The following ZNF676 variants were observed in gnomAD, a reference collection of about 807,000 sequenced individuals.
ZNF676 encodes the protein zinc finger protein 676.
In ZNF676, 4 loss-of-function variants were observed where a neutral mutation model predicts 6.0. The observed-to-expected ratio is 0.67, with a 90% CI of 0.33 to 1.53. The LOEUF (loss-of-function observed/expected upper bound fraction) is 1.53. Ranked by LOEUF, ZNF676 falls within the 40% of genes most tolerant of loss-of-function variation. The probability of loss-of-function intolerance (pLI) is 0.06; values close to 1 mark genes in which losing one functional copy is unlikely to be tolerated. For missense variants in ZNF676, 644 were observed against 679.7 expected (o/e 0.95, Z 0.58); for synonymous variants, 198 against 223.1 (o/e 0.89, Z 1.00).
intron 2 of ZNF676, among the ~76,000 whole-genome samples, chr19:22,185,384 A>G (rs1396271915): frequency 6.6e-6 from 1 of 152,152 alleles, no homozygotes; most frequent in Non-Finnish European, 1.5e-5. Context: ...CAAAGACCAA[A>G]AGTCAATAAA....
the ZNF676 span, among the ~76,000 whole-genome samples, chr19:22,253,419 A>G: frequency 3.6e-5 from 2 of 54,876 alleles, no homozygotes; most frequent in South Asian, 1.9e-3. Flanking sequence ...TATATATATG[A>G]TAATGTATAT....
At chr19:22,184,448 A>C (rs1937589160) in intron 2 of ZNF676, among the ~76,000 whole-genome samples, 1 of 152,134 alleles carries the variant, frequency 6.6e-6, no homozygotes, top group Admixed American at 6.6e-5. Flanking sequence ...GCAGACACCA[A>C]ACTAGCTGCA....
chr19:22,194,106 T>C (rs910085833), intron 1 of ZNF676, among the ~76,000 whole-genome samples: 3 of 152,134 alleles, frequency 2.0e-5, no homozygotes, highest in Non-Finnish European at 4.4e-5. Flanking sequence ...GGTACAATAA[T>C]TAACATTCCC....
chr19:22,183,552 G>A (rs1351004500), intron 2 of ZNF676, among the ~76,000 whole-genome samples: 1 of 86,014 alleles, frequency 1.2e-5, no homozygotes, highest in Non-Finnish European at 2.2e-5. Context: ...TGGCCAGGCT[G>A]GTCTGGAACC....
At chr19:22,244,348 A>G in the ZNF676 span, 18 of 152,316 alleles carry the variant, frequency 1.2e-4, no homozygotes, top group African/African-American at 3.6e-4. Context: ...AGTCAGATTG[A>G]TAACTCTTTA....
upstream of ZNF676, among the ~76,000 whole-genome samples, chr19:22,220,289 G>T (rs2024234288): frequency 6.6e-6 from 1 of 151,940 alleles, no homozygotes; most frequent in African/African-American, 2.4e-5. Flanking sequence ...CTTTTATTAT[G>T]TCTTTTCATG....
At chr19:22,221,802 A>T in the ZNF676 span, among the ~76,000 whole-genome samples, 20 of 151,674 alleles carry the variant, frequency 1.3e-4, no homozygotes, top group African/African-American at 3.2e-4. Context: ...TCTATCTTGA[A>T]GAATGTTTTA....
chr19:22,193,228 C>T, intron 1 of ZNF676, 117 bp from the exon 2 acceptor site: 1 of 1,172,434 alleles, frequency 8.5e-7, no homozygotes, highest in Non-Finnish European at 1.1e-6. Flanking sequence ...TCCCAAAATA[C>T]TAAATTATAA....
At chr19:22,214,064 T>C (rs1256958268) in intron 1 of ZNF676, among the ~76,000 whole-genome samples, 1 of 152,176 alleles carries the variant, frequency 6.6e-6, no homozygotes, top group Non-Finnish European at 1.5e-5. Flanking sequence ...AAATGTACAC[T>C]AAAGGACAAA....
chr19:22,202,290 TAA>T (rs2024034001), intron 1 of ZNF676, among the ~76,000 whole-genome samples: 1 of 151,970 alleles, frequency 6.6e-6, no homozygotes. Flanking sequence ...TTGAAAGAGG[TAA>T]AACGGTTAAT....
the ZNF676 span, among the ~76,000 whole-genome samples, chr19:22,251,433 T>G: frequency 3.9e-5 from 6 of 152,252 alleles, no homozygotes; most frequent in East Asian, 5.8e-4. Flanking sequence ...GCTTATTCCT[T>G]TGAACACACC....
the ZNF676 span, among the ~76,000 whole-genome samples, chr19:22,226,647 A>G: frequency 6.7e-6 from 1 of 149,518 alleles, no homozygotes; most frequent in Non-Finnish European, 1.5e-5. Context: ...TCCAGGCAGG[A>G]GTGCAGTGGC....
Position 22,181,455 on chromosome 19 carries a change from C to A in ZNF676, c.262G>T (p.Val88Leu). The A allele has an allele frequency of 6.2e-7, 1 of 1,613,676 alleles. No individual in the cohort carries two copies. Among genetic ancestry groups the A allele is most frequent in the South Asian group, 1.1e-5 (1 of 91,046 alleles). ...NLHLKISCTN[V>L]DECNVHKEGY... ...TCTTTGTGCACGTTACACTCATCCA[C>A]ATTGGTACAACTAATTTTTAAGTGT... is the stretch of plus-strand genomic sequence containing the variant. The change falls in exon 3 of 3, where the codon GTG (valine) becomes TTG (leucine). Residue 88 changes from valine to leucine, a missense_variant. By Grantham distance (32) the Val-to-Leu change is conservative (BLOSUM62 1). Around this residue, in one of 5 missense-constraint regions of ZNF676, gnomAD observed 280 missense variants for 269.3 expected, o/e 1.04. Coordinates refer to ENST00000397121, the MANE Select transcript of ZNF676 (RefSeq NM_001001411.3).
rs778998724 is a variant in ZNF676 at position 22,180,655 on chromosome 19, T to C, written c.1062A>G (p.Lys354=). 6.2e-7 allele frequency: 1 copy of C among 1,612,086 alleles called. No individual in the cohort carries two copies. Among genetic ancestry groups the C allele is most frequent in the South Asian group, 1.1e-5 (1 of 90,948 alleles). ...TCTCTCCAGTATGAATAATCTTATG[T>C]TTAGTAAGGATTGAGGATCGATTAA... ...KAFNRSSILT[K]HKIIHTGEKP... Residue 354 remains lysine, a synonymous_variant, in exon 3 of 3, where the codon AAA becomes AAG. Coordinates refer to ENST00000397121, the MANE Select transcript of ZNF676 (RefSeq NM_001001411.3).
At chr19:22,258,449 C>A in the ZNF676 span, among the ~76,000 whole-genome samples, 1 of 152,178 alleles carries the variant, frequency 6.6e-6, no homozygotes, top group East Asian at 1.9e-4. Flanking sequence ...CCCCTGTGGG[C>A]AAAACCTAGA....
chr19:22,224,778 T>C, the ZNF676 span, among the ~76,000 whole-genome samples: 2 of 152,174 alleles, frequency 1.3e-5, no homozygotes, highest in African/African-American at 4.8e-5. Context: ...AAGGATCACC[T>C]GAGCCCAAAT....
chr19:22,226,434 A>G, the ZNF676 span, among the ~76,000 whole-genome samples: 1 of 152,142 alleles, frequency 6.6e-6, no homozygotes, highest in Non-Finnish European at 1.5e-5. Context: ...ATCCTGTGCT[A>G]TTAGGAATTT....
Position 22,192,697 on chromosome 19 carries a change from T to A in ZNF676, c.130+319A>T, listed in dbSNP as rs1199472098. The stretch of plus-strand genomic sequence containing the variant: ...AAAAGATAGTTTAACATGGAGTACC[T>A]TAAAATTACGCGGATATCTATGTGT... On this transcript the variant is annotated intron_variant, in intron 2 of 2. Transcript: ENST00000397121. Among the ~76,000 whole-genome samples the A allele has an allele frequency of 2.0e-5, 3 of 150,652 alleles. No individual in the cohort carries two copies. The East Asian group carries it at 5.8e-4, about 29-fold the overall frequency.
Position 22,180,609 on chromosome 19 carries a change from A to G in ZNF676, c.1108T>C (p.Cys370Arg), listed in dbSNP as rs1430888906. Residue 370 changes from cysteine to arginine, a missense_variant, in exon 3 of 3, where the codon TGT (cysteine) becomes CGT (arginine). This residue lies in a region of ZNF676 where 306 missense variants were observed against 265.4 expected (regional missense o/e 1.15). Coordinates refer to ENST00000397121, the MANE Select transcript of ZNF676 (RefSeq NM_001001411.3). ...GAGACCTTACTAAAGGCTTTGCCAC[A>G]TCCTTCACATTTGTAGGGTTTCTCT... ...TGEKPYKCEG[C>R]GKAFSKVSTL... 6.2e-7 allele frequency: 1 copy of G among 1,613,016 alleles called. No individual in the cohort carries two copies. The highest frequency in any genetic ancestry group is 2.2e-5 in the East Asian group (1 of 44,788).
Sources: allele counts gnomAD v4.1 joint callset (sites outside exome capture counted in the v4.1 genomes callset), GRCh38; gene constraint gnomAD v4.1.1; regional missense constraint gnomAD v4.1.1; transcripts MANE v1.5; gene names NCBI Gene and HGNC (gene_info 2026-07-23, HGNC 2026-07-21).